Variants in EIF2AK2 observed in about 807,000 individuals in gnomAD.
EIF2AK2 encodes the protein interferon-induced, double-stranded RNA-activated protein kinase.
EIF2AK2 carries 40 observed loss-of-function variants against 70.5 expected under a neutral mutation model. The observed-to-expected ratio is 0.57, with a 90% CI of 0.44 to 0.74. The LOEUF is 0.74. Among genes scored for constraint, EIF2AK2 ranks in the 30% least tolerant of loss-of-function variants. The pLI, the probability that EIF2AK2 is intolerant of heterozygous loss-of-function variation, is 0.00. For synonymous variants in EIF2AK2, 198 were observed against 220.9 expected (o/e 0.90, Z 0.92); for missense variants, 555 against 644.3 (o/e 0.86, Z 1.50).
At chr2:37,146,179 C>T (rs548360945) in intron 4 of EIF2AK2, among the ~76,000 whole-genome samples, 2 of 152,090 alleles carry the variant, frequency 1.3e-5, no homozygotes, top group African/African-American at 2.4e-5. Context: ...TGTATAGGTT[C>T]GTAGTCTAGG....
chr2:37,120,227 C>T, intron 12 of EIF2AK2, 88 bp from the exon 13 acceptor site: 4 of 936,366 alleles, frequency 4.3e-6, no homozygotes, highest in Non-Finnish European at 5.6e-6. Flanking sequence ...TTTTTCATAA[C>T]TTTTTAAAAG....
intron 13 of EIF2AK2, chr2:37,115,207 C>A (rs1447581893): frequency 9.6e-6 from 2 of 208,762 alleles, no homozygotes; most frequent in Admixed American, 1.1e-4. Flanking sequence ...GCCACCATGC[C>A]CGGCTAGTTT....
chr2:37,117,691 G>C (rs1330728088), intron 13 of EIF2AK2, among the ~76,000 whole-genome samples: 1 of 152,236 alleles, frequency 6.6e-6, no homozygotes, highest in Non-Finnish European at 1.5e-5. Flanking sequence ...GATGACCAGA[G>C]CCTGGGCTTT....
chr2:37,131,849 A>T (rs1355714797), intron 10 of EIF2AK2, among the ~76,000 whole-genome samples: 2 of 152,214 alleles, frequency 1.3e-5, no homozygotes, highest in Non-Finnish European at 2.9e-5. Flanking sequence ...CCCAACAAGC[A>T]GAATTAGTTG....
At chr2:37,125,174 A>G (rs1674689756) in intron 11 of EIF2AK2, among the ~76,000 whole-genome samples, 1 of 152,050 alleles carries the variant, frequency 6.6e-6, no homozygotes, top group Non-Finnish European at 1.5e-5. Flanking sequence ...CATCACACCC[A>G]GCTAATTTTG....
At chr2:37,142,387 C>T (rs1675365854) in intron 4 of EIF2AK2, among the ~76,000 whole-genome samples, 1 of 152,168 alleles carries the variant, frequency 6.6e-6, no homozygotes, top group Non-Finnish European at 1.5e-5. Flanking sequence ...CCCGCCTCAG[C>T]CTTCCAAAAT....
intron 5 of EIF2AK2, among the ~76,000 whole-genome samples, chr2:37,140,561 A>T (rs1200021986): frequency 6.6e-6 from 1 of 151,980 alleles, no homozygotes; most frequent in African/African-American, 2.4e-5. Context: ...GGGTTGAGTG[A>T]CTGGATCATT....
chr2:37,110,534 G>A (rs2148664769), intron 14 of EIF2AK2, among the ~76,000 whole-genome samples: 1 of 152,314 alleles, frequency 6.6e-6, no homozygotes, highest in African/African-American at 2.4e-5. Flanking sequence ...GGAAGTTAAA[G>A]AGAGCCACTG....
At chr2:37,126,244 C>T (rs1285176404) in intron 11 of EIF2AK2, 45 bp downstream of exon 11, 1 of 1,538,022 alleles carries the variant, frequency 6.5e-7, no homozygotes, top group Admixed American at 2.1e-5. Context: ...AGTGCAGATT[C>T]AGCGTACCTT....
chr2:37,138,348 T>G lies in EIF2AK2; in HGVS notation c.609A>C (p.Ser203=), dbSNP rs1443139750. 3.7e-6 allele frequency: 6 copies of G among 1,613,694 alleles called. No homozygotes were observed. The South Asian group carries it at 6.6e-5, about 18-fold the overall frequency. Residue 203 remains serine (S), a synonymous_variant, in exon 8 of 17, where the codon TCA becomes TCC. Coordinates refer to ENST00000233057, the MANE Select transcript of EIF2AK2 (RefSeq NM_001135651.3). ...LVTSTLASES[S]SEGDFSADTS... ...TATCTGCTGAGAAGTCACCTTCAGA[T>G]GATGATTCAGAAGCGCTAGAAGAAA...
chr2:37,125,520 C>T (rs1359230008), intron 11 of EIF2AK2, among the ~76,000 whole-genome samples: 1 of 152,208 alleles, frequency 6.6e-6, no homozygotes, highest in Non-Finnish European at 1.5e-5. Context: ...GGGGACAATC[C>T]TTCTTGAAAC....
At chr2:37,116,869 G>C (rs1339004897) in intron 13 of EIF2AK2, among the ~76,000 whole-genome samples, 1 of 152,140 alleles carries the variant, frequency 6.6e-6, no homozygotes, top group Non-Finnish European at 1.5e-5. Context: ...ATCTAAGCTG[G>C]ATGAGGCTAT....
At chr2:37,133,458 G>A (rs1675018235) in intron 10 of EIF2AK2, among the ~76,000 whole-genome samples, 1 of 151,978 alleles carries the variant, frequency 6.6e-6, no homozygotes, top group African/African-American at 2.4e-5. Context: ...CTGGTAAAAG[G>A]TCCCAGCCCT....
chr2:37,125,142 A>T (rs1329168958), intron 11 of EIF2AK2, among the ~76,000 whole-genome samples: 1 of 152,124 alleles, frequency 6.6e-6, no homozygotes, highest in Non-Finnish European at 1.5e-5. Context: ...CCTCTCGAGA[A>T]GCTGAGATTA....
chr2:37,122,446 C>T (rs1573010308), intron 12 of EIF2AK2, 60 bp downstream of exon 12: 1 of 1,564,686 alleles, frequency 6.4e-7, no homozygotes, highest in East Asian at 2.2e-5. Context: ...GTGGCCCATA[C>T]ATAGTAAATA....
chr2:37,140,207 A>C (rs1399180294), intron 5 of EIF2AK2, among the ~76,000 whole-genome samples: 2 of 151,552 alleles, frequency 1.3e-5, no homozygotes, highest in African/African-American at 4.8e-5. Flanking sequence ...AGAGCAAAGC[A>C]TGGATTCTGC....
chr2:37,130,561 T>C (rs573645634), intron 10 of EIF2AK2, among the ~76,000 whole-genome samples: 2 of 152,344 alleles, frequency 1.3e-5, no homozygotes, highest in East Asian at 3.9e-4. Context: ...TATCCTCATA[T>C]TGCAAATTCT....
intron 5 of EIF2AK2, among the ~76,000 whole-genome samples, chr2:37,140,387 T>C (rs1558425327): frequency 6.6e-6 from 1 of 152,236 alleles, no homozygotes; most frequent in Non-Finnish European, 1.5e-5. Context: ...TTTTAAGGGA[T>C]AAAACAATGG....
chr2:37,145,181 C>T (rs558694760), intron 4 of EIF2AK2, among the ~76,000 whole-genome samples: 16 of 123,266 alleles, frequency 1.3e-4, no homozygotes, highest in South Asian at 5.0e-4. Context: ...CTTGCCTTGT[C>T]GCCCAGGCTG....
Sources: gnomAD v4.1 joint callset for allele counts (sites outside exome capture counted in the v4.1 genomes callset) on GRCh38, gnomAD v4.1.1 for gene constraint, MANE v1.5 for transcripts, NCBI Gene and HGNC (gene_info 2026-07-23, HGNC 2026-07-21) for gene names.